DPP6: variants seen among roughly 807,000 people sequenced by gnomAD.
DPP6 encodes A-type potassium channel modulatory protein DPP6.
DPP6 carries 69 observed loss-of-function variants against 122.6 expected under a neutral mutation model. The ratio of observed to expected loss-of-function variants is 0.56; its 90% CI spans 0.46 to 0.69. The LOEUF (loss-of-function observed/expected upper bound fraction) is 0.69, where lower values mean the gene tolerates loss of function less well. Among genes scored for constraint, DPP6 ranks in the 30% least tolerant of loss-of-function variants. DPP6 has a pLI of 0.00. For synonymous variants in DPP6, 418 were observed against 433.1 expected (o/e 0.97, Z 0.43); for missense variants, 928 against 1,116.9 (o/e 0.83, Z 2.41).
chr7:154,485,579 GT>G (rs1193660107), intron 3 of DPP6, among the ~76,000 whole-genome samples: 1 of 152,134 alleles, frequency 6.6e-6, no homozygotes, highest in African/African-American at 2.4e-5. Flanking sequence ...CCCATTTCTG[GT>G]CTCTGAGCTA....
chr7:154,879,937 C>T (rs911189396), intron 20 of DPP6, among the ~76,000 whole-genome samples: 1 of 152,200 alleles, frequency 6.6e-6, no homozygotes. Flanking sequence ...AAATCTCTTC[C>T]GGTTTTCCTC....
intron 1 of DPP6, among the ~76,000 whole-genome samples, chr7:154,059,758 A>G (rs1021922503): frequency 6.6e-5 from 10 of 151,248 alleles, no homozygotes; most frequent in Admixed American, 5.2e-4. Context: ...CGTCAGAGAG[A>G]GAAAAGATGG....
intron 1 of DPP6, among the ~76,000 whole-genome samples, chr7:154,114,161 ATGCTCCTACAC>A (rs2077357844): frequency 6.6e-6 from 1 of 151,464 alleles, no homozygotes; most frequent in Admixed American, 6.6e-5. Context: ...CAGTAACAAG[ATGCTCCTACAC>A]TGAGCTTCAT....
At chr7:154,014,661 C>CA (rs1036769364) in intron 1 of DPP6, among the ~76,000 whole-genome samples, 167 of 146,840 alleles carry the variant, frequency 1.1e-3, no homozygotes, top group South Asian at 1.8e-3. Context: ...GACTCTGTGT[C>CA]AAAAAAAAAG....
At chr7:153,847,084 T>C in the DPP6 span, among the ~76,000 whole-genome samples, 1 of 152,222 alleles carries the variant, frequency 6.6e-6, no homozygotes, top group Non-Finnish European at 1.5e-5. Context: ...GATTTAGCCA[T>C]CTCCAACTGA....
chr7:154,701,582 G>A (rs1008474706), intron 7 of DPP6, among the ~76,000 whole-genome samples: 3 of 152,196 alleles, frequency 2.0e-5, no homozygotes, highest in Non-Finnish European at 4.4e-5. Flanking sequence ...GGTGTGCGGG[G>A]AGTTACTGGA....
chr7:154,858,979 T>C (rs997206348), intron 17 of DPP6, among the ~76,000 whole-genome samples: 10 of 152,230 alleles, frequency 6.6e-5, no homozygotes, highest in African/African-American at 2.4e-4. Flanking sequence ...GCCCGGACTC[T>C]TGTCTTATCT....
At chr7:153,849,701 G>C in the DPP6 span, among the ~76,000 whole-genome samples, 3 of 152,062 alleles carry the variant, frequency 2.0e-5, no homozygotes, top group Admixed American at 6.6e-5. Context: ...TTTTGAAAAT[G>C]TTCTTTGAGA....
rs891851070 is a variant in DPP6, at chr7:153,916,338, C to T, written c.51+28604C>T. Among the ~76,000 whole-genome samples the T allele has an allele frequency of 3.4e-5, 5 of 148,406 alleles. No homozygotes were observed. The East Asian group carries it at 1.0e-3, about 30-fold the overall frequency. On this transcript the variant is annotated intron_variant, in intron 1 of 25. Transcript: ENST00000404039. ...CTGAACAGTCAGTCACATTTTCTTCCCCTATCTCCCCTTCCCTCCTGTCCC... is the reference window on the plus strand; with the variant it reads ...CTGAACAGTCAGTCACATTTTCTTCTCCTATCTCCCCTTCCCTCCTGTCCC...
In DPP6 at chr7:154,061,614, C is replaced by A. The variant is rs1326650207; in HGVS notation, c.243+8551C>A. 2.1e-5 allele frequency among the ~76,000 whole-genome samples: 3 copies of A among 142,372 alleles called. 1 individual carries two copies. The highest frequency in any genetic ancestry group is 8.0e-5 in the African/African-American group (3 of 37,678). The allele number at this position is 142,372 out of a possible 152,430, so 93.4% of individuals were successfully genotyped here. A position where few individuals can be genotyped will look rare whatever the true frequency, so the allele number is the denominator to read the frequency against. The stretch of plus-strand genomic sequence containing the variant: ...CCCCCCTGGCTCTTGGGACTCCCAT[C>A]ACAGGGGGGGGAGGCACCCGCTGCG... On this transcript the variant is annotated intron_variant, in intron 1 of 25. Transcript: ENST00000377770.
chr7:154,738,579 G>A (rs1213275060), intron 8 of DPP6, among the ~76,000 whole-genome samples: 2 of 152,180 alleles, frequency 1.3e-5, no homozygotes, highest in African/African-American at 4.8e-5. Context: ...AAAATTATCT[G>A]GTGGAAGTTG....
chr7:154,101,894 C>CTCCA (rs1805753070), intron 1 of DPP6, among the ~76,000 whole-genome samples: 2 of 142,686 alleles, frequency 1.4e-5, no homozygotes, highest in Admixed American at 7.3e-5. Context: ...CGCCATTGCA[C>CTCCA]TCCAGCCTGG....
chr7:154,298,077 G>C (rs777317176), intron 1 of DPP6, among the ~76,000 whole-genome samples: 1 of 152,158 alleles, frequency 6.6e-6, no homozygotes, highest in African/African-American at 2.4e-5. Context: ...GGCCTCGTCC[G>C]ATTAGTTGAA....
rs544377069 is a variant in DPP6 at position 154,341,512 on chromosome 7, G to A, written c.244-104702G>A. Among the ~76,000 whole-genome samples, 72 of 152,000 alleles carry A rather than the reference G, an allele frequency of 4.7e-4. 1 individual carries two copies. The highest frequency in any genetic ancestry group is 1.7e-3 in the African/African-American group (72 of 41,456). On this transcript the variant is annotated intron_variant, in intron 1 of 25. Transcript: ENST00000377770. ...GAGAAAACCCTCACTCCTGGGTCGG[G>A]CTTTACTTCTTGACTGTCCAAAAAA...
intron 5 of DPP6, among the ~76,000 whole-genome samples, chr7:154,631,915 C>T (rs573557603): frequency 2.5e-4 from 38 of 152,112 alleles, no homozygotes; most frequent in African/African-American, 8.4e-4. Context: ...AAACGTCAGC[C>T]GGATTCAATT....
intron 16 of DPP6, among the ~76,000 whole-genome samples, chr7:154,827,186 C>G (rs1425081692): frequency 1.3e-5 from 2 of 150,642 alleles, no homozygotes; most frequent in Non-Finnish European, 3.0e-5. Context: ...ACACTGAAAT[C>G]CACCCCCTCC....
intron 1 of DPP6, among the ~76,000 whole-genome samples, chr7:154,267,281 T>C (rs1803480165): frequency 6.7e-6 from 1 of 149,430 alleles, no homozygotes; most frequent in Non-Finnish European, 1.5e-5. Flanking sequence ...TTTTTCATTT[T>C]ATTATTGTAA....
At chr7:154,070,289 C>G (rs956450015) in intron 1 of DPP6, among the ~76,000 whole-genome samples, 1 of 151,106 alleles carries the variant, frequency 6.6e-6, no homozygotes, top group African/African-American at 2.4e-5. Flanking sequence ...GTCAGACCAC[C>G]TGGCTCTGAA....
rs918744968 is a variant in DPP6, at chr7:154,711,238, A to C, written c.763-16529A>C. 3.3e-5 allele frequency among the ~76,000 whole-genome samples: 5 copies of C among 152,214 alleles called. 1 individual carries two copies. The highest frequency in any genetic ancestry group is 9.7e-5 in the African/African-American group (4 of 41,450). ...CATGTTGGGTTCACTATGAATGTTT[A>C]ATTTCCTTTCCATGATAAATAGTTT... is the stretch of plus-strand genomic sequence containing the variant. On this transcript the variant is annotated intron_variant, in intron 7 of 25. Transcript: ENST00000377770.
Sources: gnomAD v4.1 joint callset for allele counts (sites outside exome capture counted in the v4.1 genomes callset) on GRCh38, gnomAD v4.1.1 for gene constraint, MANE v1.5 for transcripts, NCBI Gene and HGNC (gene_info 2026-07-23, HGNC 2026-07-21) for gene names.